SLIT3: variants seen among roughly 807,000 people sequenced by gnomAD.
SLIT3 encodes slit homolog 3 protein.
Under a neutral mutation model 184.0 loss-of-function variants are expected in SLIT3, and 68 were observed. That is an observed-to-expected ratio of 0.37 (90% confidence interval 0.30 to 0.45). The LOEUF (loss-of-function observed/expected upper bound fraction) is 0.45, where lower values mean the gene tolerates loss of function less well. Among genes scored for constraint, SLIT3 ranks in the 20% least tolerant of loss-of-function variants. SLIT3 has a pLI of 1.00. For missense variants in SLIT3, 1,707 were observed against 2,026.0 expected, an observed-to-expected ratio of 0.84 and a Z score of 3.02; for synonymous variants, 831 against 828.6, an observed-to-expected ratio of 1.00 and a Z score of -0.05.
intron 4 of SLIT3, chr5:169,037,983 G>A (rs919001400): frequency 6.6e-6 from 1 of 152,224 alleles, no homozygotes; most frequent in African/African-American, 2.4e-5. Flanking sequence ...TGCCTGGAAG[G>A]CCAAGAGTAT....
intron 4 of SLIT3, among the ~76,000 whole-genome samples, chr5:169,002,380 A>G (rs1272185979): frequency 6.7e-6 from 1 of 149,386 alleles, no homozygotes; most frequent in Non-Finnish European, 1.5e-5. Context: ...GCAATGGGGC[A>G]TCAATGAGTA....
At chr5:168,871,345 G>A (rs1759511225) in intron 5 of SLIT3, among the ~76,000 whole-genome samples, 1 of 152,086 alleles carries the variant, frequency 6.6e-6, no homozygotes, top group African/African-American at 2.4e-5. Flanking sequence ...TTAGAGTTTA[G>A]GATGTAGGCA....
chr5:168,801,344 CT>C (rs1464906205), intron 9 of SLIT3, among the ~76,000 whole-genome samples: 1 of 152,184 alleles, frequency 6.6e-6, no homozygotes, highest in East Asian at 1.9e-4. Flanking sequence ...TTTAAACCCC[CT>C]GGTGGCTGGT....
chr5:168,748,838 G>C (rs1366019679), intron 19 of SLIT3, among the ~76,000 whole-genome samples: 1 of 152,150 alleles, frequency 6.6e-6, no homozygotes, highest in Admixed American at 6.5e-5. Flanking sequence ...CCTCCATTGT[G>C]CCTTAATCTC....
At chr5:169,214,660 GTCT>G (rs545927565) in intron 3 of SLIT3, among the ~76,000 whole-genome samples, 10 of 152,170 alleles carry the variant, frequency 6.6e-5, no homozygotes, top group Non-Finnish European at 1.3e-4. Flanking sequence ...CTCCCTAATT[GTCT>G]TCAAGAGTAA....
intron 4 of SLIT3, among the ~76,000 whole-genome samples, chr5:168,927,070 A>G (rs761156176): frequency 1.3e-5 from 2 of 152,240 alleles, no homozygotes; most frequent in Non-Finnish European, 1.5e-5. Context: ...AGATATTTGC[A>G]TACCAAAAAC....
chr5:168,842,170 A>G (rs1300339658), intron 6 of SLIT3, among the ~76,000 whole-genome samples: 3 of 152,224 alleles, frequency 2.0e-5, no homozygotes, highest in African/African-American at 7.2e-5. Context: ...AGCCAAGTTC[A>G]GAATGGCTCA....
intron 35 of SLIT3, among the ~76,000 whole-genome samples, chr5:168,668,934 A>C (rs1325141987): frequency 6.6e-6 from 1 of 152,180 alleles, no homozygotes; most frequent in African/African-American, 2.4e-5. Context: ...ATGCCCAGCT[A>C]ATTTTTGTAT....
At chr5:168,825,466 C>T (rs1303786672) in intron 6 of SLIT3, among the ~76,000 whole-genome samples, 1 of 152,146 alleles carries the variant, frequency 6.6e-6, no homozygotes, top group African/African-American at 2.4e-5. Context: ...TCCCTCCCTC[C>T]CATATTTACT....
intron 5 of SLIT3, among the ~76,000 whole-genome samples, chr5:168,868,762 A>AAAAAAAG (rs1759405678): frequency 9.6e-6 from 1 of 103,658 alleles, no homozygotes; most frequent in Admixed American, 1.0e-4. Context: ...AAAAAAAAAA[A>AAAAAAAG]AAAAGAAAAA....
At chr5:168,908,420 A>G (rs1422388560) in intron 4 of SLIT3, among the ~76,000 whole-genome samples, 1 of 152,040 alleles carries the variant, frequency 6.6e-6, no homozygotes, top group Non-Finnish European at 1.5e-5. Context: ...AGATGATGTC[A>G]CCCTGTGGGA....
At chr5:168,901,065 A>C (rs187319874) in intron 4 of SLIT3, among the ~76,000 whole-genome samples, 1 of 152,192 alleles carries the variant, frequency 6.6e-6, no homozygotes, top group Admixed American at 6.5e-5. Flanking sequence ...TGATGTGTGC[A>C]TGTAACAAAA....
intron 5 of SLIT3, among the ~76,000 whole-genome samples, chr5:168,879,572 A>G (rs1050818115): frequency 2.0e-5 from 3 of 152,128 alleles, no homozygotes; most frequent in African/African-American, 7.2e-5. Context: ...AATTACTCAC[A>G]TGAGTTTTTC....
chr5:169,029,580 C>T (rs928724472), intron 4 of SLIT3, among the ~76,000 whole-genome samples: 4 of 152,212 alleles, frequency 2.6e-5, no homozygotes, highest in African/African-American at 4.8e-5. Flanking sequence ...AGCCTTCCAG[C>T]AACTGAATCC....
chr5:169,067,611 C>T (rs538876798), intron 4 of SLIT3, among the ~76,000 whole-genome samples: 4 of 152,276 alleles, frequency 2.6e-5, no homozygotes, highest in East Asian at 3.9e-4. Flanking sequence ...AAACCTCCTG[C>T]TACTTGGGCA....
At chr5:169,117,070 C>T (rs1760694552) in intron 4 of SLIT3, among the ~76,000 whole-genome samples, 1 of 152,174 alleles carries the variant, frequency 6.6e-6, no homozygotes, top group African/African-American at 2.4e-5. Flanking sequence ...CACAGCAAGT[C>T]AGAGGCTGCC....
At chr5:169,126,058 C>A (rs974949757) in intron 4 of SLIT3, among the ~76,000 whole-genome samples, 1 of 152,128 alleles carries the variant, frequency 6.6e-6, no homozygotes, top group African/African-American at 2.4e-5. Context: ...CAGACAGAAG[C>A]GGCCCATGGA....
chr5:169,229,969 G>A (rs1394987395), intron 3 of SLIT3, among the ~76,000 whole-genome samples: 1 of 152,072 alleles, frequency 6.6e-6, no homozygotes, highest in Non-Finnish European at 1.5e-5. Context: ...ACCCTGAGAC[G>A]AGGGATGTGA....
At chr5:169,176,310 A>T (rs1181571577) in intron 4 of SLIT3, among the ~76,000 whole-genome samples, 1 of 152,212 alleles carries the variant, frequency 6.6e-6, no homozygotes, top group Non-Finnish European at 1.5e-5. Flanking sequence ...GGTAGAATTT[A>T]AAGCCTGACG....
Sources: allele counts gnomAD v4.1 joint callset (sites outside exome capture counted in the v4.1 genomes callset), GRCh38; gene constraint gnomAD v4.1.1; transcripts MANE v1.5; gene names NCBI Gene and HGNC (gene_info 2026-07-23, HGNC 2026-07-21).